CAST: variants seen among roughly 807,000 people sequenced by gnomAD.
The protein encoded by CAST is MIR583 host.
CAST carries 76 observed loss-of-function variants against 119.6 expected under a neutral mutation model. That is an observed-to-expected ratio of 0.64 (90% CI 0.53 to 0.77). The LOEUF (loss-of-function observed/expected upper bound fraction) is 0.77, where lower values mean the gene tolerates loss of function less well. Among genes scored for constraint, CAST ranks in the 30% least tolerant of loss-of-function variants. CAST has a pLI of 0.00. For synonymous variants in CAST, 319 were observed against 331.6 expected, an observed-to-expected ratio of 0.96 and a Z score of 0.41; for missense variants, 953 against 946.5, an observed-to-expected ratio of 1.01 and a Z score of -0.09.
intron 1 of CAST, among the ~76,000 whole-genome samples, chr5:96,562,218 G>A (rs1173399783): frequency 6.6e-6 from 1 of 151,654 alleles, no homozygotes; most frequent in Non-Finnish European, 1.5e-5. Context: ...AATCCATAGG[G>A]TAAAATATTA....
chr5:96,631,274 TC>T (rs762474843), intron 1 of CAST, among the ~76,000 whole-genome samples: 6 of 140,854 alleles, frequency 4.3e-5, no homozygotes, highest in Non-Finnish European at 9.6e-5. Flanking sequence ...TCACCTCTAT[TC>T]CCATGCCCTG....
the CAST span, among the ~76,000 whole-genome samples, chr5:96,100,443 C>A: frequency 1.3e-5 from 2 of 152,168 alleles, no homozygotes; most frequent in African/African-American, 2.4e-5. Context: ...TGACTTACTG[C>A]CTGGTTCTTG....
At chr5:96,476,759 GA>G in the CAST span, among the ~76,000 whole-genome samples, 1 of 151,992 alleles carries the variant, frequency 6.6e-6, no homozygotes, top group African/African-American at 2.4e-5. Context: ...AGAGAATTAT[GA>G]AATTTGAGAC....
intron 1 of CAST, among the ~76,000 whole-genome samples, chr5:96,646,548 CAG>C (rs1333141300): frequency 1.3e-5 from 2 of 151,920 alleles, no homozygotes; most frequent in East Asian, 1.9e-4. Flanking sequence ...TCTGTAAAAA[CAG>C]AAATATTCTT....
the CAST span, among the ~76,000 whole-genome samples, chr5:96,063,531 A>T: frequency 2.0e-5 from 3 of 152,094 alleles, no homozygotes; most frequent in African/African-American, 4.8e-5. Context: ...TCCTGAAAAT[A>T]TTCATCTCAG....
At chr5:96,491,737 C>T in the CAST span, among the ~76,000 whole-genome samples, 2 of 151,768 alleles carry the variant, frequency 1.3e-5, no homozygotes, top group Admixed American at 6.6e-5. Flanking sequence ...TTGTAATAAC[C>T]CCAAATTAAA....
intron 2 of CAST, among the ~76,000 whole-genome samples, chr5:96,694,579 C>A (rs1257843315): frequency 6.6e-6 from 1 of 151,944 alleles, no homozygotes; most frequent in Non-Finnish European, 1.5e-5. Flanking sequence ...TGCAGTGAGC[C>A]GAGATCGCAC....
At chr5:96,559,478 T>C (rs528482904) in intron 1 of CAST, among the ~76,000 whole-genome samples, 77 of 152,216 alleles carry the variant, frequency 5.1e-4, no homozygotes, top group African/African-American at 1.8e-3. Flanking sequence ...CAGCCCAAAA[T>C]CTCCTTAAGC....
At chr5:96,631,260 C>A (rs1422872933) in intron 1 of CAST, among the ~76,000 whole-genome samples, 2 of 141,108 alleles carry the variant, frequency 1.4e-5, no homozygotes, top group Non-Finnish European at 3.2e-5. Flanking sequence ...CAATTAGTCC[C>A]AATTCACCTC....
At chr5:96,548,151 C>T (rs978326555) in intron 1 of CAST, among the ~76,000 whole-genome samples, 1 of 152,116 alleles carries the variant, frequency 6.6e-6, no homozygotes, top group African/African-American at 2.4e-5. Flanking sequence ...TTCTTTTTCT[C>T]CGGTACAAAA....
intron 1 of CAST, among the ~76,000 whole-genome samples, chr5:96,601,255 T>C (rs1561427133): frequency 6.6e-6 from 1 of 152,228 alleles, no homozygotes; most frequent in Non-Finnish European, 1.5e-5. Flanking sequence ...ATTGTGTCTA[T>C]CACATTTTGT....
chr5:96,095,157 A>G, the CAST span, among the ~76,000 whole-genome samples: 2 of 152,132 alleles, frequency 1.3e-5, no homozygotes, highest in African/African-American at 2.4e-5. Flanking sequence ...CAGCATTTTG[A>G]CCAAAATGCA....
the CAST span, among the ~76,000 whole-genome samples, chr5:96,345,313 A>G: frequency 1.3e-5 from 2 of 150,834 alleles, no homozygotes; most frequent in East Asian, 1.9e-4. Flanking sequence ...TCCCTAATCT[A>G]TGCTTGCTTA....
the CAST span, among the ~76,000 whole-genome samples, chr5:96,064,469 G>GC: frequency 0.33 from 49,440 of 152,000 alleles, 9,448 homozygotes; most frequent in Non-Finnish European, 0.42. Flanking sequence ...ATAGGCAAAA[G>GC]TATGTAATTG....
chr5:96,237,603 T>C, the CAST span, among the ~76,000 whole-genome samples: 75 of 152,308 alleles, frequency 4.9e-4, no homozygotes, highest in African/African-American at 1.7e-3. Context: ...AAGCTTTACA[T>C]TGTTTTTGTC....
the CAST span, among the ~76,000 whole-genome samples, chr5:96,451,364 A>G: frequency 6.6e-6 from 1 of 152,248 alleles, no homozygotes; most frequent in Admixed American, 6.5e-5. Context: ...ATCCTGTCAC[A>G]CAAACCTGAC....
the CAST span, among the ~76,000 whole-genome samples, chr5:96,285,564 G>A: frequency 3.3e-5 from 5 of 152,186 alleles, no homozygotes; most frequent in Non-Finnish European, 2.9e-5. Context: ...TTGGCATGAA[G>A]CTGCTGAGAA....
intron 6 of CAST, 50 bp downstream of exon 6, chr5:96,727,580 A>C: frequency 8.3e-7 from 1 of 1,208,054 alleles, no homozygotes; most frequent in Non-Finnish European, 1.2e-6. Context: ...TTTTAATAAT[A>C]ATGAATAATC....
At chr5:96,072,573 A>G in the CAST span, among the ~76,000 whole-genome samples, 1 of 152,220 alleles carries the variant, frequency 6.6e-6, no homozygotes, top group East Asian at 1.9e-4. Flanking sequence ...TTCAGGGAGG[A>G]TTTTCATAGA....
Sources: allele counts gnomAD v4.1 joint callset (sites outside exome capture counted in the v4.1 genomes callset), GRCh38; gene constraint gnomAD v4.1.1; transcripts MANE v1.5; gene names NCBI Gene and HGNC (gene_info 2026-07-23, HGNC 2026-07-21).